ATP9B: variants seen among roughly 807,000 people sequenced by gnomAD.
ATP9B encodes ATPase phospholipid transporting 9B.
Under a neutral mutation model 146.1 loss-of-function variants are expected in ATP9B, and 110 were observed. That is an observed-to-expected ratio of 0.75 (90% CI 0.65 to 0.88). The LOEUF is 0.88. Among genes scored for constraint, ATP9B ranks in the 40% least tolerant of loss-of-function variants. The pLI is 0.00. For synonymous variants in ATP9B, 604 were observed against 569.7 expected, an observed-to-expected ratio of 1.06 and a Z score of -0.86; for missense variants, 1,499 against 1,496.4, an observed-to-expected ratio of 1.00 and a Z score of -0.03.
chr18:79,307,333 G>C, intron 15 of ATP9B, 99 bp downstream of exon 15: 2 of 1,522,604 alleles, frequency 1.3e-6, no homozygotes, highest in Non-Finnish European at 1.8e-6. Flanking sequence ...TAGAGGAGCA[G>C]TTTATCGTAG....
At chr18:79,256,156 T>A (rs9966543) in intron 12 of ATP9B, among the ~76,000 whole-genome samples, 53,593 of 149,276 alleles carry the variant, frequency 0.36, 10,624 homozygotes, top group African/African-American at 0.53. Context: ...GTCTTTTTTT[T>A]AAAAAACTCC....
intron 13 of ATP9B, among the ~76,000 whole-genome samples, chr18:79,282,173 A>G (rs2096384334): frequency 6.6e-6 from 1 of 152,208 alleles, no homozygotes. Context: ...GAGCAAAGAA[A>G]GTAGTTTCTT....
At chr18:79,075,382 G>A (rs919975078) in intron 1 of ATP9B, among the ~76,000 whole-genome samples, 5 of 152,116 alleles carry the variant, frequency 3.3e-5, no homozygotes, top group African/African-American at 4.8e-5. Context: ...CTCAGTGATC[G>A]CCTTCTGTCG....
chr18:79,295,632 G>A (rs977006689), intron 13 of ATP9B, among the ~76,000 whole-genome samples: 1 of 152,234 alleles, frequency 6.6e-6, no homozygotes, highest in African/African-American at 2.4e-5. Flanking sequence ...TGTTGTTTCT[G>A]ACAGCAGATA....
At chr18:79,321,012 T>G (rs1435560978) in intron 15 of ATP9B, among the ~76,000 whole-genome samples, 9 of 152,210 alleles carry the variant, frequency 5.9e-5, no homozygotes, top group Non-Finnish European at 1.3e-4. Flanking sequence ...ATCAATCCTT[T>G]ACAATTTTCT....
At chr18:79,297,547 A>T (rs2096561468) in intron 13 of ATP9B, among the ~76,000 whole-genome samples, 5 of 152,222 alleles carry the variant, frequency 3.3e-5, no homozygotes, top group Admixed American at 3.3e-4. Context: ...AGTGAGACAA[A>T]TGGGATGTGG....
intron 6 of ATP9B, among the ~76,000 whole-genome samples, chr18:79,148,809 T>A (rs1486709820): frequency 3.3e-5 from 5 of 152,222 alleles, no homozygotes; most frequent in Non-Finnish European, 7.3e-5. Flanking sequence ...CATATACATA[T>A]ATGTTGAAAA....
At chr18:79,207,759 T>A (rs1404116410) in intron 10 of ATP9B, among the ~76,000 whole-genome samples, 2 of 151,546 alleles carry the variant, frequency 1.3e-5, no homozygotes, top group African/African-American at 4.9e-5. Context: ...TGCCACTCAC[T>A]CCCCCATGCA....
intron 4 of ATP9B, among the ~76,000 whole-genome samples, chr18:79,121,712 G>T (rs116091758): frequency 6.6e-6 from 1 of 152,180 alleles, no homozygotes; most frequent in Non-Finnish European, 1.5e-5. Flanking sequence ...GTTGAGAATC[G>T]TACACATGTG....
At chr18:79,088,335 T>G (rs1271999902) in intron 1 of ATP9B, among the ~76,000 whole-genome samples, 1 of 152,262 alleles carries the variant, frequency 6.6e-6, no homozygotes, top group African/African-American at 2.4e-5. Context: ...TATGTGGTGG[T>G]TTGAATTTAT....
chr18:79,315,267 C>T (rs1460084337), intron 15 of ATP9B, among the ~76,000 whole-genome samples: 1 of 152,084 alleles, frequency 6.6e-6, no homozygotes, highest in East Asian at 1.9e-4. Context: ...TCGTGTGTGC[C>T]TATTGAAGCA....
intron 5 of ATP9B, among the ~76,000 whole-genome samples, chr18:79,139,448 A>G (rs1335395505): frequency 6.6e-6 from 1 of 152,234 alleles, no homozygotes; most frequent in Non-Finnish European, 1.5e-5. Flanking sequence ...GTCAGCTACT[A>G]CATCACTGGG....
chr18:79,085,634 T>C (rs953442821), intron 1 of ATP9B: 3 of 152,160 alleles, frequency 2.0e-5, no homozygotes, highest in Non-Finnish European at 2.9e-5. Flanking sequence ...TAAGTGATAG[T>C]GGTGTCATTC....
Position 79,241,641 on chromosome 18 carries a change from G to C in ATP9B, c.1108-11740G>C, listed in dbSNP as rs181557874. Among the ~76,000 whole-genome samples, 709 of 152,272 alleles carry C rather than the reference G, an allele frequency of 4.7e-3. 9 individuals are homozygous for C. Among genetic ancestry groups the C allele is most frequent in the African/African-American group, 0.016 (681 of 41,556 alleles). On this transcript the variant is annotated intron_variant, in intron 11 of 29. Coordinates refer to ENST00000426216, the MANE Select transcript of ATP9B (RefSeq NM_198531.5). ...CTAATTACTAGAATTTTAGCTCCTT[G>C]AGTTTAGGGCAACCTTTTCGTCATT...
At chr18:79,200,788 T>TGGGGACTGTCGGG (rs370231088) in intron 9 of ATP9B, among the ~76,000 whole-genome samples, 2 of 35,456 alleles carry the variant, frequency 5.6e-5, no homozygotes, top group South Asian at 7.5e-4. Flanking sequence ...GAAGTAGTGG[T>TGGGGACTGTCGGG]GGAATTGTTT....
chr18:79,375,536 C>T (rs773939005), intron 29 of ATP9B, 110 bp downstream of exon 29: 1 of 1,514,052 alleles, frequency 6.6e-7, no homozygotes, highest in Non-Finnish European at 8.9e-7. Flanking sequence ...CAGTGTTCCT[C>T]AGGAACTCTC....
At chr18:79,075,203 A>G (rs2072460333) in intron 1 of ATP9B, among the ~76,000 whole-genome samples, 1 of 152,122 alleles carries the variant, frequency 6.6e-6, no homozygotes, top group Non-Finnish European at 1.5e-5. Context: ...CAGCCTCTCA[A>G]GTAGCTGGGA....
intron 1 of ATP9B, among the ~76,000 whole-genome samples, chr18:79,083,202 C>T (rs1211180622): frequency 6.6e-6 from 1 of 152,216 alleles, no homozygotes; most frequent in Admixed American, 6.5e-5. Flanking sequence ...TTTGTTTACA[C>T]TGTGAGGGGA....
intron 1 of ATP9B, chr18:79,095,664 A>G (rs1404870406): frequency 1.3e-5 from 2 of 152,232 alleles, no homozygotes; most frequent in Non-Finnish European, 2.9e-5. Flanking sequence ...CTCAGTTTTT[A>G]CATTGAGACA....
Sources: gnomAD v4.1 joint callset for allele counts (sites outside exome capture counted in the v4.1 genomes callset) on GRCh38, gnomAD v4.1.1 for gene constraint, MANE v1.5 for transcripts, NCBI Gene and HGNC (gene_info 2026-07-23, HGNC 2026-07-21) for gene names.